ALDH1L2: variants seen among roughly 807,000 people sequenced by gnomAD.
ALDH1L2 encodes the protein mitochondrial 10-formyltetrahydrofolate dehydrogenase.
A neutral mutation model predicts 111.0 loss-of-function variants in ALDH1L2; 91 were observed. That is an observed-to-expected ratio of 0.82 (90% CI 0.69 to 0.98). The LOEUF (loss-of-function observed/expected upper bound fraction) is 0.98. ALDH1L2 is among the 50% of genes least tolerant of loss of function. The pLI, the probability that ALDH1L2 is intolerant of heterozygous loss-of-function variation, is 0.00. For missense variants in ALDH1L2, 995 were observed against 1,126.8 expected (o/e 0.88, Z 1.67); for synonymous variants, 374 against 392.6 (o/e 0.95, Z 0.56).
At chr12:105,038,297 C>G in intron 17 of ALDH1L2, 95 bp from the exon 18 acceptor site, 4 of 601,552 alleles carry the variant, frequency 6.6e-6, no homozygotes, top group South Asian at 5.9e-5. Context: ...CACACACACA[C>G]ACACACACAC....
chr12:105,067,194 C>G (rs371531030), intron 4 of ALDH1L2, among the ~76,000 whole-genome samples: 4 of 127,404 alleles, frequency 3.1e-5, no homozygotes, highest in Admixed American at 9.7e-5. Flanking sequence ...CCAGCCTGGG[C>G]GACAGAGCGA....
intron 12 of ALDH1L2, among the ~76,000 whole-genome samples, chr12:105,051,366 C>T (rs1249576802): frequency 6.6e-6 from 1 of 152,156 alleles, no homozygotes; most frequent in Non-Finnish European, 1.5e-5. Flanking sequence ...CTGGCTCCCT[C>T]GCTGATAGGC....
At chr12:105,034,011 C>T (rs1874840731) in intron 19 of ALDH1L2, among the ~76,000 whole-genome samples, 1 of 152,018 alleles carries the variant, frequency 6.6e-6, no homozygotes, top group Non-Finnish European at 1.5e-5. Context: ...ACAGTGAAAC[C>T]CCATGTACTC....
At chr12:105,047,032 G>C in intron 13 of ALDH1L2, 63 bp from the exon 14 acceptor site, 1 of 1,551,298 alleles carries the variant, frequency 6.4e-7, no homozygotes, top group Non-Finnish European at 8.9e-7. Context: ...TCATCTCAAA[G>C]GATCCATTTT....
In ALDH1L2 at chr12:105,061,628, T is replaced by G. The variant is rs1255135075; in HGVS notation, c.1046A>C (p.Lys349Thr). 1.2e-6 allele frequency: 2 copies of G among 1,614,166 alleles called. No individual in the cohort carries two copies. The highest frequency in any genetic ancestry group is 1.7e-6 in the Non-Finnish European group (2 of 1,180,022). Residue 349 changes from lysine to threonine, a missense_variant and splice_region_variant, in exon 8 of 23, where the codon AAG (lysine) becomes ACG (threonine). Transcript: ENST00000258494. ...AEEVKVAETI[K>T]VIWAGILSNV... ...AGATTTAAGTCATCATGTGTTCACC[T>G]TGATGGTCTCTGCCACTTTCACCTC...
chr12:105,071,644 T>TATATA (rs56181175), intron 2 of ALDH1L2, among the ~76,000 whole-genome samples: 1 of 11,566 alleles, frequency 8.6e-5, no homozygotes, highest in African/African-American at 3.3e-4. Flanking sequence ...ATATATATAT[T>TATATA]TTTTTTTTTT....
intron 10 of ALDH1L2, 57 bp from the exon 11 acceptor site, chr12:105,052,988 A>T: frequency 6.3e-7 from 1 of 1,580,702 alleles, no homozygotes; most frequent in Non-Finnish European, 8.7e-7. Flanking sequence ...ATTTGATGTC[A>T]AACAGCAATA....
rs1876936970 is a variant in ALDH1L2, at chr12:105,060,720, AG to A, written c.1139+260del. The stretch of plus-strand genomic sequence containing the variant: ...ATGCCTGTAATCCCAGCTACTCGGG[AG>A]GCCGAGGCAGGAGAATCACTTGAAC... On this transcript the variant is annotated intron_variant, in intron 9 of 22. Coordinates refer to ENST00000258494, the MANE Select transcript of ALDH1L2 (RefSeq NM_001034173.4). 5 of 244,852 alleles carry A rather than the reference AG, an allele frequency of 2.0e-5. No homozygotes were observed. The South Asian group carries it at 3.3e-4, about 16-fold the overall frequency. 15.2% of individuals were successfully genotyped at this position (244,852 alleles called of 1,614,324 possible).
At position 105,052,171 on chromosome 12, in the gene ALDH1L2, G is replaced by A; in HGVS notation, c.1454C>T (p.Ala485Val). 6.2e-7 allele frequency: 1 copy of A among 1,611,174 alleles called. No individual in the cohort carries two copies. Among genetic ancestry groups the A allele is most frequent in the Non-Finnish European group, 8.5e-7 (1 of 1,178,486 alleles). Reference protein sequence around the residue: ...SYASLADVDKAVAAAKDAFEN... With the variant: ...SYASLADVDKVVAAAKDAFEN... Reference sequence around the variant, plus strand: ...AAAAGCATCTTTTGCTGCTGCTACTGCTTTATCAACATCCGCCAAAGAAGC... The same window carrying A: ...AAAAGCATCTTTTGCTGCTGCTACTACTTTATCAACATCCGCCAAAGAAGC... Residue 485 changes from alanine to valine, a missense_variant, in exon 12 of 23, where the codon GCA becomes GTA. Coordinates refer to ENST00000258494, the MANE Select transcript of ALDH1L2 (RefSeq NM_001034173.4).
chr12:105,027,965 G>A (rs935275836), intron 21 of ALDH1L2, among the ~76,000 whole-genome samples: 10 of 152,172 alleles, frequency 6.6e-5, no homozygotes, highest in Admixed American at 1.3e-4. Flanking sequence ...ATCCAAGCAG[G>A]TGAAGACATG....
chr12:105,062,154 TA>T (rs1431771462), intron 7 of ALDH1L2, among the ~76,000 whole-genome samples: 1 of 151,978 alleles, frequency 6.6e-6, no homozygotes, highest in African/African-American at 2.4e-5. Context: ...GCACATATAC[TA>T]AAAAAAAGAA....
chr12:105,041,658 C>T (rs1366014447), intron 15 of ALDH1L2, among the ~76,000 whole-genome samples: 2 of 152,074 alleles, frequency 1.3e-5, no homozygotes, highest in African/African-American at 2.4e-5. Flanking sequence ...TTTCCAATTC[C>T]CTCATTCCTT....
chr12:105,070,869 A>G, intron 2 of ALDH1L2, 65 bp from the exon 3 acceptor site: 1 of 1,276,636 alleles, frequency 7.8e-7, no homozygotes, highest in South Asian at 1.3e-5. Context: ...CTATGAATTC[A>G]TATGTTGTAA....
intron 17 of ALDH1L2, 77 bp from the exon 18 acceptor site, chr12:105,038,279 AACACACACACAC>A (rs555214940): frequency 0.022 from 5,298 of 246,360 alleles, 156 homozygotes; most frequent in African/African-American, 0.086. Context: ...CACACACACA[AACACACACACAC>A]ACACACACAC....
At chr12:105,035,417 G>C (rs1371135772) in intron 18 of ALDH1L2, among the ~76,000 whole-genome samples, 1 of 151,882 alleles carries the variant, frequency 6.6e-6, no homozygotes. Flanking sequence ...TCAACTTCCT[G>C]GGCTGAAGTG....
chr12:105,047,186 C>A (rs534232115), intron 13 of ALDH1L2, among the ~76,000 whole-genome samples: 1 of 152,276 alleles, frequency 6.6e-6, no homozygotes, highest in Admixed American at 6.5e-5. Flanking sequence ...CTAATTTAGT[C>A]CATTCCTAAT....
chr12:105,068,992 A>G (rs1341953261), intron 3 of ALDH1L2, 108 bp from the exon 4 acceptor site: 3 of 1,060,768 alleles, frequency 2.8e-6, no homozygotes, highest in Non-Finnish European at 3.8e-6. Flanking sequence ...TAGACAATGA[A>G]TGAAGCTACC....
rs756590968 is a variant in ALDH1L2 at position 105,050,451 on chromosome 12, C to T, written c.1536-393G>A. The T allele has an allele frequency of 2.4e-5, 5 of 204,964 alleles. No individual in the cohort carries two copies. In the South Asian group the frequency reaches 3.7e-4, roughly 15 times the overall value. The allele number at this position is 204,964 out of a possible 1,614,324, so 12.7% of individuals were successfully genotyped here. A position where few individuals can be genotyped will look rare whatever the true frequency, so the allele number is the denominator to read the frequency against. On this transcript the variant is annotated intron_variant, in intron 12 of 22. Transcript: ENST00000258494. Reference sequence around the variant, plus strand: ...ACTAACTGAAGAGACAAGATAGCAACGTACACAATGAATTACAAACACTGC... The same window carrying T: ...ACTAACTGAAGAGACAAGATAGCAATGTACACAATGAATTACAAACACTGC...
chr12:105,077,506 C>T (rs1438927166), intron 1 of ALDH1L2, among the ~76,000 whole-genome samples: 2 of 151,514 alleles, frequency 1.3e-5, no homozygotes, highest in Middle Eastern at 3.4e-3. Flanking sequence ...CTCAAATTCC[C>T]GAGCTCAGGC....
Sources: gnomAD v4.1 joint callset for allele counts (sites outside exome capture counted in the v4.1 genomes callset) on GRCh38, gnomAD v4.1.1 for gene constraint, MANE v1.5 for transcripts, NCBI Gene and HGNC (gene_info 2026-07-23, HGNC 2026-07-21) for gene names.